OR5K1: variants seen among roughly 807,000 people sequenced by gnomAD.
OR5K1 encodes the protein olfactory receptor family 5 subfamily K member 1.
OR5K1 carries 7 observed loss-of-function variants against 10.4 expected under a neutral mutation model. That is an observed-to-expected ratio of 0.67 (90% CI 0.38 to 1.26). The LOEUF is 1.26. Ranked by LOEUF, OR5K1 falls within the 50% of genes most tolerant of loss-of-function variation. The pLI is 0.02. For synonymous variants in OR5K1, 135 were observed against 128.5 expected (o/e 1.05, Z -0.34); for missense variants, 435 against 366.2 (o/e 1.19, Z -1.53).
chr3:98,463,538 A>T (rs1705336434), intron 1 of OR5K1, among the ~76,000 whole-genome samples: 1 of 152,176 alleles, frequency 6.6e-6, no homozygotes, highest in African/African-American at 2.4e-5. Flanking sequence ...AAGAGATAAA[A>T]GCACACTTTT....
Position 98,463,222 on chromosome 3 carries a change from A to G in OR5K1, c.-97A>G, listed in dbSNP as rs1350836336. The G allele has an allele frequency of 6.6e-6, 1 of 152,258 alleles. No homozygotes were observed. Among genetic ancestry groups the G allele is most frequent in the Non-Finnish European group, 1.5e-5 (1 of 68,042 alleles). 9.4% of individuals were successfully genotyped at this position (152,258 alleles called of 1,614,324 possible). On this transcript the variant is annotated 5_prime_UTR_variant, in exon 1 of 2. Transcript: ENST00000642057. ...ACTATTCTCCTAAATGATCAAGAAGATAGAGCTTAATTGTGAGATCTACTT... is the reference window on the plus strand; with the variant it reads ...ACTATTCTCCTAAATGATCAAGAAGGTAGAGCTTAATTGTGAGATCTACTT...
rs769111802 is a variant in OR5K1 at position 98,469,676 on chromosome 3, A to C, written c.100A>C (p.Ile34Leu). ...KTLLFVVFFA[I>L]YLITVVGNIS... ...TCTGCTGTTTGTGGTGTTCTTTGCC[A>C]TCTATCTGATCACCGTGGTGGGGAA... Residue 34 changes from isoleucine (I) to leucine (L), a missense_variant, in exon 2 of 2, where the codon ATC (isoleucine) becomes CTC (leucine). By Grantham distance (5) the Ile-to-Leu change is conservative. Coordinates refer to ENST00000642057, the MANE Select transcript of OR5K1 (RefSeq NM_001004736.4). The C allele has an allele frequency of 5.0e-6, 8 of 1,613,696 alleles. No individual in the cohort carries two copies. The South Asian group carries it at 8.8e-5, about 18-fold the overall frequency.
chr3:98,467,597 C>T (rs1705388451), intron 1 of OR5K1, among the ~76,000 whole-genome samples: 1 of 24,316 alleles, frequency 4.1e-5, no homozygotes, highest in Non-Finnish European at 6.5e-5. Flanking sequence ...TTGTAGTTCT[C>T]CTTGAAGAGG....
At chr3:98,464,215 C>G (rs1705343069) in intron 1 of OR5K1, among the ~76,000 whole-genome samples, 1 of 152,138 alleles carries the variant, frequency 6.6e-6, no homozygotes, top group African/African-American at 2.4e-5. Flanking sequence ...AAGACTGTAC[C>G]TCTGCACTCC....
chr3:98,468,828 T>A (rs553837810), intron 1 of OR5K1, among the ~76,000 whole-genome samples: 101 of 152,270 alleles, frequency 6.6e-4, no homozygotes, highest in African/African-American at 2.4e-3. Context: ...AGTACATATA[T>A]ATTCATTGAA....
chr3:98,468,235 T>C (rs982729674), intron 1 of OR5K1, among the ~76,000 whole-genome samples: 1 of 152,122 alleles, frequency 6.6e-6, no homozygotes, highest in Non-Finnish European at 1.5e-5. Context: ...CCAAAGCATG[T>C]TATGTTTAAG....
intron 1 of OR5K1, among the ~76,000 whole-genome samples, chr3:98,466,773 G>C (rs1440362536): frequency 7.5e-6 from 1 of 132,870 alleles, no homozygotes; most frequent in Non-Finnish European, 1.5e-5. Flanking sequence ...AAATTTGTTT[G>C]AGTTCATTGT....
chr3:98,469,805 A>G lies in OR5K1; in HGVS notation c.229A>G (p.Ile77Val), dbSNP rs547021435. The G allele has an allele frequency of 1.8e-4, 290 of 1,613,724 alleles. No homozygotes were observed. The highest frequency in any genetic ancestry group is 3.3e-4 in the Middle Eastern group (2 of 6,058). Reference protein sequence around the residue: ...ALVDSCCACAITPKMLENFFS... With the variant: ...ALVDSCCACAVTPKMLENFFS... ...TGTGGATTCTTGCTGTGCCTGTGCT[A>G]TTACCCCCAAAATGTTAGAGAACTT... Residue 77 changes from isoleucine (I) to valine (V), a missense_variant, in exon 2 of 2, where the codon ATT becomes GTT. Transcript: ENST00000642057.
Position 98,469,621 on chromosome 3 carries a change from A to C in OR5K1, c.45A>C (p.Thr15=). 2 of 1,612,488 alleles carry C rather than the reference A, an allele frequency of 1.2e-6. No homozygotes were observed. The highest frequency in any genetic ancestry group is 1.7e-6 in the Non-Finnish European group (2 of 1,179,124). ...NHTMKNEFIL[T]GFTDHPELKT... ...CCATGAAAAATGAGTTTATCCTCACAGGATTTACAGATCACCCTGAGCTGA... is the reference window on the plus strand; with the variant it reads ...CCATGAAAAATGAGTTTATCCTCACCGGATTTACAGATCACCCTGAGCTGA... The change falls in exon 2 of 2, where the codon ACA becomes ACC. Residue 15 remains threonine (T), a synonymous_variant. Coordinates refer to ENST00000642057, the MANE Select transcript of OR5K1 (RefSeq NM_001004736.4).
intron 1 of OR5K1, among the ~76,000 whole-genome samples, chr3:98,466,721 C>T (rs1041732390): frequency 7.9e-6 from 1 of 126,870 alleles, no homozygotes; most frequent in African/African-American, 3.6e-5. Context: ...CTGTTCATGT[C>T]CTTCGCCCAC....
At chr3:98,467,992 A>T (rs905625465) in intron 1 of OR5K1, among the ~76,000 whole-genome samples, 1 of 152,050 alleles carries the variant, frequency 6.6e-6, no homozygotes, top group Admixed American at 6.6e-5. Flanking sequence ...TTTCAAAGGG[A>T]ATGCTTCCAG....
chr3:98,463,360 G>A (rs547672489), intron 1 of OR5K1, 53 bp downstream of exon 1: 13 of 152,104 alleles, frequency 8.5e-5, no homozygotes, highest in South Asian at 2.1e-4. Flanking sequence ...GACATGAAAC[G>A]TTTATTTCTC....
chr3:98,466,100 C>A (rs1576236684), intron 1 of OR5K1, among the ~76,000 whole-genome samples: 1 of 151,366 alleles, frequency 6.6e-6, no homozygotes, highest in East Asian at 1.9e-4. Flanking sequence ...TTCCTGTGTC[C>A]ATGTGATCTC....
At chr3:98,469,322 T>C (rs1490778780) in intron 1 of OR5K1, among the ~76,000 whole-genome samples, 1 of 152,070 alleles carries the variant, frequency 6.6e-6, no homozygotes, top group East Asian at 1.9e-4. Flanking sequence ...GAAAAACTAC[T>C]ATTAGGTACT....
At position 98,469,815 on chromosome 3, in the gene OR5K1, A is replaced by G. The variant is rs772305987; in HGVS notation, c.239A>G (p.Lys80Arg). ...DSCCACAITP[K>R]MLENFFSENK... Reference sequence around the variant, plus strand: ...TGCTGTGCCTGTGCTATTACCCCCAAAATGTTAGAGAACTTCTTTTCTGAG... The same window carrying G: ...TGCTGTGCCTGTGCTATTACCCCCAGAATGTTAGAGAACTTCTTTTCTGAG... Residue 80 changes from lysine (K) to arginine (R), a missense_variant, in exon 2 of 2, where the codon AAA becomes AGA. Coordinates refer to ENST00000642057, the MANE Select transcript of OR5K1 (RefSeq NM_001004736.4). 2 of 1,613,726 alleles carry G rather than the reference A, an allele frequency of 1.2e-6. No homozygotes were observed. Among genetic ancestry groups the G allele is most frequent in the Non-Finnish European group, 1.7e-6 (2 of 1,179,794 alleles).
chr3:98,465,724 T>G (rs1368125300), intron 1 of OR5K1, among the ~76,000 whole-genome samples: 1 of 151,996 alleles, frequency 6.6e-6, no homozygotes, highest in Non-Finnish European at 1.5e-5. Context: ...TATATTTCCT[T>G]CATATTTTTC....
At chr3:98,463,713 G>T (rs1354717697) in intron 1 of OR5K1, among the ~76,000 whole-genome samples, 1 of 152,012 alleles carries the variant, frequency 6.6e-6, no homozygotes, top group Non-Finnish European at 1.5e-5. Flanking sequence ...AATTATATAA[G>T]TAAGGACTAT....
At position 98,469,642 on chromosome 3, in the gene OR5K1, G is replaced by T. The variant is rs758172808; in HGVS notation, c.66G>T (p.Glu22Asp). 1.4e-5 allele frequency: 22 copies of T among 1,613,588 alleles called. No individual in the cohort carries two copies. Among genetic ancestry groups the T allele is most frequent in the Non-Finnish European group, 1.9e-5 (22 of 1,179,726 alleles). ...TCACAGGATTTACAGATCACCCTGAGCTGAAGACTCTGCTGTTTGTGGTGT... is the reference window on the plus strand; with the variant it reads ...TCACAGGATTTACAGATCACCCTGATCTGAAGACTCTGCTGTTTGTGGTGT... The part of the protein sequence containing the change: ...FILTGFTDHP[E>D]LKTLLFVVFF... The change falls in exon 2 of 2, where the codon GAG becomes GAT. Residue 22 changes from glutamate to aspartate, a missense_variant. By Grantham distance (45) the Glu-to-Asp change is conservative. Transcript: ENST00000642057.
chr3:98,464,237 C>T (rs1469797583), intron 1 of OR5K1, among the ~76,000 whole-genome samples: 2 of 152,166 alleles, frequency 1.3e-5, no homozygotes, highest in Admixed American at 1.3e-4. Context: ...GCCTGGGCGA[C>T]ACAGTAAGAC....
Sources: gnomAD v4.1 joint callset for allele counts (sites outside exome capture counted in the v4.1 genomes callset) on GRCh38, gnomAD v4.1.1 for gene constraint, MANE v1.5 for transcripts, NCBI Gene and HGNC (gene_info 2026-07-23, HGNC 2026-07-21) for gene names.